The following ITGAE variants were observed in gnomAD, a reference collection of about 807,000 sequenced individuals.
ITGAE encodes integrin subunit alpha E.
ITGAE carries 99 observed loss-of-function variants against 136.5 expected under a neutral mutation model. That is an observed-to-expected ratio of 0.73 (90% CI 0.62 to 0.86). The LOEUF is 0.86. ITGAE is among the 40% of genes least tolerant of loss of function. The pLI, the probability that ITGAE is intolerant of heterozygous loss-of-function variation, is 0.00. For missense variants in ITGAE, 1,447 were observed against 1,515.3 expected, an observed-to-expected ratio of 0.95 and a Z score of 0.75; for synonymous variants, 613 against 591.8, an observed-to-expected ratio of 1.04 and a Z score of -0.52.
intron 20 of ITGAE, among the ~76,000 whole-genome samples, chr17:3,737,024 T>G (rs2051473176): frequency 6.6e-6 from 1 of 150,780 alleles, no homozygotes; most frequent in Admixed American, 6.6e-5. Flanking sequence ...CTGGACACGG[T>G]GGCTCACGCC....
intron 12 of ITGAE, chr17:3,754,715 T>C: frequency 4.0e-6 from 1 of 247,610 alleles, no homozygotes; most frequent in Non-Finnish European, 8.0e-6. Context: ...CCCGCCCCCA[T>C]CCGGAAACCT....
At chr17:3,746,569 C>A (rs751177330) in intron 17 of ITGAE, among the ~76,000 whole-genome samples, 2 of 152,084 alleles carry the variant, frequency 1.3e-5, no homozygotes, top group Non-Finnish European at 2.9e-5. Context: ...CATTCTCCTG[C>A]CTCAGCCTCC....
At chr17:3,763,835 TG>T in intron 3 of ITGAE, 33 bp downstream of exon 3, 1 of 1,541,972 alleles carries the variant, frequency 6.5e-7, no homozygotes, top group Non-Finnish European at 9.0e-7. Flanking sequence ...AAGGGGGTCC[TG>T]GGGAGCATTC....
At chr17:3,748,815 T>C (rs1283311400) in intron 16 of ITGAE, among the ~76,000 whole-genome samples, 1 of 151,628 alleles carries the variant, frequency 6.6e-6, no homozygotes, top group East Asian at 1.9e-4. Context: ...TCAGCATGCC[T>C]GGAATCTAAT....
intron 1 of ITGAE, among the ~76,000 whole-genome samples, chr17:3,794,282 T>G (rs528352618): frequency 6.6e-6 from 1 of 151,726 alleles, no homozygotes; most frequent in Non-Finnish European, 1.5e-5. Context: ...TGGCCTCTAA[T>G]TTTTTTTTAA....
At position 3,753,351 on chromosome 17, in the gene ITGAE, G is replaced by C; in HGVS notation, c.1607C>G (p.Ala536Gly). The change falls in exon 14 of 31, where the codon GCT becomes GGT. Residue 536 changes from alanine (A) to glycine (G), a missense_variant. Physicochemically the swap from Ala to Gly is moderately conservative, Grantham distance 60 (BLOSUM62 0). Transcript: ENST00000263087. Reference sequence around the variant, plus strand: ...TTCTCCATGAACGTGGTAAAATGGAGCAGCCACCAGCAAGAAGTCCGTGCT... The same window carrying C: ...TTCTCCATGAACGTGGTAAAATGGACCAGCCACCAGCAAGAAGTCCGTGCT... Reference protein sequence around the residue: ...DGSTDFLLVAAPFYHVHGEEG... With the variant: ...DGSTDFLLVAGPFYHVHGEEG... The C allele has an allele frequency of 6.2e-7, 1 of 1,614,158 alleles. No homozygotes were observed. The highest frequency in any genetic ancestry group is 1.3e-5 in the African/African-American group (1 of 75,040).
intron 3 of ITGAE, among the ~76,000 whole-genome samples, chr17:3,762,529 C>T (rs2052198210): frequency 6.6e-6 from 1 of 151,726 alleles, no homozygotes; most frequent in Non-Finnish European, 1.5e-5. Context: ...CATGGAATCA[C>T]TCAGTCAACC....
At chr17:3,800,826 G>A (rs146569647) in intron 1 of ITGAE, among the ~76,000 whole-genome samples, 14 of 152,338 alleles carry the variant, frequency 9.2e-5, no homozygotes, top group East Asian at 3.9e-4. Context: ...AGAGGGCCTC[G>A]GTGGCGGGGG....
At chr17:3,726,496 G>A in intron 26 of ITGAE, 1 of 608,184 alleles carries the variant, frequency 1.6e-6, no homozygotes, top group East Asian at 2.7e-5. Flanking sequence ...TGAAATATTT[G>A]TTGAAATGTT....
intron 15 of ITGAE, 60 bp downstream of exon 15, chr17:3,751,587 GTCA>G (rs1555521802): frequency 1.4e-6 from 2 of 1,475,452 alleles, no homozygotes; most frequent in Non-Finnish European, 1.9e-6. Context: ...TGGGGCTTGG[GTCA>G]TCATATCTGA....
chr17:3,751,923 C>T (rs1176334186), intron 14 of ITGAE, 49 bp from the exon 15 acceptor site: 2 of 1,501,524 alleles, frequency 1.3e-6, no homozygotes, highest in East Asian at 2.3e-5. Flanking sequence ...TGCTAGGTGC[C>T]CACTCCATTG....
chr17:3,781,479 C>T (rs1011744564), intron 1 of ITGAE, among the ~76,000 whole-genome samples: 9 of 152,126 alleles, frequency 5.9e-5, no homozygotes, highest in African/African-American at 2.2e-4. Flanking sequence ...CCTCTTAAGC[C>T]TCCCAAATAG....
chr17:3,797,193 T>G, intron 1 of ITGAE, among the ~76,000 whole-genome samples: 1 of 131,232 alleles, frequency 7.6e-6, no homozygotes, highest in African/African-American at 2.9e-5. Context: ...TGAGACGGAG[T>G]CTCGCTCTGT....
chr17:3,800,511 G>A (rs1039734392), intron 1 of ITGAE, among the ~76,000 whole-genome samples: 9 of 152,180 alleles, frequency 5.9e-5, no homozygotes, highest in African/African-American at 2.2e-4. Flanking sequence ...TTGCCCAGAG[G>A]CTTCCATGGG....
chr17:3,728,481 C>G, intron 24 of ITGAE: 1 of 227,400 alleles, frequency 4.4e-6, no homozygotes. Flanking sequence ...TTAAGTGATT[C>G]TCCTGCCTAA....
chr17:3,747,434 C>T (rs1432603380), intron 17 of ITGAE, among the ~76,000 whole-genome samples: 1 of 152,102 alleles, frequency 6.6e-6, no homozygotes, highest in Non-Finnish European at 1.5e-5. Flanking sequence ...TCTCCTGCCT[C>T]AGCCTCCCGA....
At chr17:3,783,958 C>T (rs932561424) in intron 1 of ITGAE, among the ~76,000 whole-genome samples, 3 of 152,222 alleles carry the variant, frequency 2.0e-5, no homozygotes, top group Middle Eastern at 3.2e-3. Flanking sequence ...AAGCCTTTTA[C>T]GTCAACTATA....
intron 1 of ITGAE, among the ~76,000 whole-genome samples, chr17:3,795,996 T>TGC (rs1392694043): frequency 3.0e-4 from 44 of 148,584 alleles, no homozygotes; most frequent in African/African-American, 1.0e-3. Flanking sequence ...CATCTGTGTG[T>TGC]GCATCCGTGT....
Position 3,714,741 on chromosome 17 carries a change from A to G in ITGAE, c.*106T>C. The G allele has an allele frequency of 1.6e-6, 1 of 631,186 alleles. No homozygotes were observed. The highest frequency in any genetic ancestry group is 2.8e-6 in the Non-Finnish European group (1 of 356,452). 39.1% of individuals were successfully genotyped at this position (631,186 alleles called of 1,614,324 possible). A position where few individuals can be genotyped will look rare whatever the true frequency, so the allele number is the denominator to read the frequency against. ...GGTTAAAAACTAATATTCTACCAAC[A>G]GCTCCATGCTGCTCTAGATCATCCT... On this transcript the variant is annotated 3_prime_UTR_variant, in exon 31 of 31. Coordinates refer to ENST00000263087, the MANE Select transcript of ITGAE (RefSeq NM_002208.5).
Sources: gnomAD v4.1 joint callset for allele counts (sites outside exome capture counted in the v4.1 genomes callset) on GRCh38, gnomAD v4.1.1 for gene constraint, MANE v1.5 for transcripts, NCBI Gene and HGNC (gene_info 2026-07-23, HGNC 2026-07-21) for gene names.